Variants in CDH8 observed in about 807,000 individuals in gnomAD.
CDH8 encodes cadherin-8.
In CDH8, 17 loss-of-function variants were observed where a neutral mutation model predicts 68.1. The observed-to-expected ratio is 0.25, with a 90% CI of 0.17 to 0.37. The LOEUF (loss-of-function observed/expected upper bound fraction) is 0.37. CDH8 is among the 10% of genes least tolerant of loss of function. The pLI is 1.00. For synonymous variants in CDH8, 372 were observed against 365.1 expected, an observed-to-expected ratio of 1.02 and a Z score of -0.21; for missense variants, 763 against 999.3, an observed-to-expected ratio of 0.76 and a Z score of 3.19.
At chr16:61,986,640 A>G (rs963898807) in intron 2 of CDH8, among the ~76,000 whole-genome samples, 1 of 152,230 alleles carries the variant, frequency 6.6e-6, no homozygotes, top group Non-Finnish European at 1.5e-5. Context: ...CCTTACAGCA[A>G]CAGCATCTGG....
intron 10 of CDH8, among the ~76,000 whole-genome samples, chr16:61,712,784 C>T (rs2142867446): frequency 6.6e-6 from 1 of 151,650 alleles, no homozygotes; most frequent in Non-Finnish European, 1.5e-5. Flanking sequence ...TGTGATTCAT[C>T]CACATTTATC....
In CDH8 at chr16:61,817,490, G is replaced by C. The variant is rs767418229; in HGVS notation, c.1266C>G (p.Ser422=). Residue 422 remains serine (S), a synonymous_variant, in exon 7 of 12, where the codon TCC becomes TCG. Transcript: ENST00000577390. The part of the protein sequence containing the change: ...QVTARDPDIT[S]SPIRFSIDRH... ...TAAAATAAAAATACCTTATAGGACT[G>C]GAAGTGATATCAGGGTCACGAGCAG... The C allele has an allele frequency of 6.2e-7, 1 of 1,613,896 alleles. No homozygotes were observed. The highest frequency in any genetic ancestry group is 8.5e-7 in the Non-Finnish European group (1 of 1,179,884).
chr16:62,026,276 G>A (rs1190190324), intron 1 of CDH8, among the ~76,000 whole-genome samples: 1 of 152,158 alleles, frequency 6.6e-6, no homozygotes, highest in African/African-American at 2.4e-5. Flanking sequence ...AAATATTAAC[G>A]TGCATCCAAA....
At chr16:61,765,280 T>C (rs2142977072) in intron 8 of CDH8, among the ~76,000 whole-genome samples, 1 of 152,146 alleles carries the variant, frequency 6.6e-6, no homozygotes, top group East Asian at 1.9e-4. Context: ...CATGGCAGGA[T>C]CAATAAATCA....
chr16:62,035,217 C>G (rs1307313754), intron 1 of CDH8: 3 of 152,320 alleles, frequency 2.0e-5, no homozygotes, highest in Admixed American at 6.5e-5. Flanking sequence ...CTTTTTCCCT[C>G]CGATCCTGCG....
intron 7 of CDH8, among the ~76,000 whole-genome samples, chr16:61,799,634 T>C (rs1438508555): frequency 6.6e-6 from 1 of 152,112 alleles, no homozygotes; most frequent in Non-Finnish European, 1.5e-5. Flanking sequence ...TGGAAAGTTA[T>C]GAGGATGGTG....
At chr16:61,822,745 T>C (rs553059983) in intron 5 of CDH8, among the ~76,000 whole-genome samples, 1 of 152,038 alleles carries the variant, frequency 6.6e-6, no homozygotes, top group South Asian at 2.1e-4. Flanking sequence ...ACAAACTGTA[T>C]ATTCCAAGTA....
intron 9 of CDH8, among the ~76,000 whole-genome samples, chr16:61,719,152 C>T (rs1235637906): frequency 2.1e-5 from 3 of 143,822 alleles, no homozygotes; most frequent in Non-Finnish European, 4.6e-5. Flanking sequence ...TGGCCTGAAA[C>T]ATCCTTGCCT....
chr16:61,670,477 C>A (rs1963768804), intron 10 of CDH8, among the ~76,000 whole-genome samples: 1 of 151,908 alleles, frequency 6.6e-6, no homozygotes, highest in African/African-American at 2.4e-5. Flanking sequence ...AAATGGAATG[C>A]AATGAGAGAA....
rs938765647 is a variant in CDH8 at position 61,655,724 on chromosome 16, G to GA, written c.1655-4dup. 6.2e-7 allele frequency: 1 copy of GA among 1,609,796 alleles called. No homozygotes were observed. Among genetic ancestry groups the GA allele is most frequent in the Non-Finnish European group, 8.5e-7 (1 of 1,177,828 alleles). On this transcript the variant is annotated splice_region_variant and splice_polypyrimidine_tract_variant and intron_variant, in intron 10 of 11. Transcript: ENST00000577390. The stretch of plus-strand genomic sequence containing the variant: ...TGCCAAAATACTGAGGGAATTATCT[G>GA]AAAAAAGTAAAAATTACAATAATTT...
intron 8 of CDH8, among the ~76,000 whole-genome samples, chr16:61,778,959 G>A (rs1336250765): frequency 1.3e-5 from 2 of 152,166 alleles, no homozygotes; most frequent in Non-Finnish European, 2.9e-5. Flanking sequence ...TTTTCCCTGG[G>A]AGATTTAGCC....
At chr16:61,732,358 G>A (rs200780334) in intron 8 of CDH8, among the ~76,000 whole-genome samples, 1 of 151,504 alleles carries the variant, frequency 6.6e-6, no homozygotes, top group Non-Finnish European at 1.5e-5. Context: ...TGAGACCAGC[G>A]GGAGGTGAAC....
At chr16:61,987,641 G>A (rs1352011833) in intron 2 of CDH8, among the ~76,000 whole-genome samples, 1 of 151,940 alleles carries the variant, frequency 6.6e-6, no homozygotes, top group African/African-American at 2.4e-5. Flanking sequence ...TTCAAATACA[G>A]GTCTGACTGA....
In CDH8 at chr16:61,866,945, T is replaced by G. The variant is rs181981763; in HGVS notation, c.548-9707A>C. Among the ~76,000 whole-genome samples the G allele has an allele frequency of 8.7e-4, 132 of 152,314 alleles. No homozygotes were observed. In the Middle Eastern group the frequency reaches 0.014, roughly 16 times the overall value. On this transcript the variant is annotated intron_variant, in intron 3 of 11. Transcript: ENST00000577390. ...CATTACAGTGGCTGTTCGTTTTTTT[T>G]GTCCCTCTAGAATGAGCTTACTTTT...
intron 2 of CDH8, among the ~76,000 whole-genome samples, chr16:61,933,784 C>G (rs2143496062): frequency 6.6e-6 from 1 of 152,106 alleles, no homozygotes; most frequent in South Asian, 2.1e-4. Context: ...AGATTTTTCT[C>G]CTACTAATTT....
chr16:61,666,908 G>C (rs1373322631), intron 10 of CDH8, among the ~76,000 whole-genome samples: 4 of 151,866 alleles, frequency 2.6e-5, no homozygotes, highest in Non-Finnish European at 5.9e-5. Context: ...CCAATATTTA[G>C]GAATATGAAC....
chr16:61,684,826 C>T (rs975395041), intron 10 of CDH8, among the ~76,000 whole-genome samples: 1 of 151,954 alleles, frequency 6.6e-6, no homozygotes, highest in African/African-American at 2.4e-5. Context: ...GCATTTCTGG[C>T]AGCAGCTGAA....
intron 6 of CDH8, among the ~76,000 whole-genome samples, chr16:61,819,066 T>C (rs1194426772): frequency 6.6e-6 from 1 of 151,478 alleles, no homozygotes; most frequent in East Asian, 2.0e-4. Flanking sequence ...AATTTGCCAA[T>C]CACCTTTACT....
chr16:61,780,812 A>C (rs1175013736), intron 8 of CDH8, among the ~76,000 whole-genome samples: 1 of 152,192 alleles, frequency 6.6e-6, no homozygotes, highest in Non-Finnish European at 1.5e-5. Context: ...CTGTGATCTT[A>C]TGATTTCCAC....
Sources: gnomAD v4.1 joint callset for allele counts (sites outside exome capture counted in the v4.1 genomes callset) on GRCh38, gnomAD v4.1.1 for gene constraint, MANE v1.5 for transcripts, NCBI Gene and HGNC (gene_info 2026-07-23, HGNC 2026-07-21) for gene names.